The following NETO1 variants were observed in gnomAD, a reference collection of about 807,000 sequenced individuals.
NETO1 encodes neuropilin and tolloid like 1.
Under a neutral mutation model 61.3 loss-of-function variants are expected in NETO1, and 26 were observed. The ratio of observed to expected loss-of-function variants is 0.42; its 90% CI spans 0.31 to 0.59. The LOEUF is 0.59. Among genes scored for constraint, NETO1 ranks in the 20% least tolerant of loss-of-function variants. The pLI is 0.12. For missense variants in NETO1, 531 were observed against 662.8 expected, an observed-to-expected ratio of 0.80 and a Z score of 2.18; for synonymous variants, 225 against 225.8, an observed-to-expected ratio of 1.00 and a Z score of 0.03.
chr18:72,742,893 T>C (rs1286283902), downstream of NETO1: 1 of 152,208 alleles, frequency 6.6e-6, no homozygotes, highest in African/African-American at 2.4e-5. Context: ...GTATGTTCGC[T>C]AGTCAACCAT....
intron 4 of NETO1, chr18:72,834,726 TG>T: frequency 1.0e-6 from 1 of 985,102 alleles, no homozygotes; most frequent in Non-Finnish European, 1.2e-6. Context: ...CAGCTTTTAC[TG>T]TTTGATTGTT....
At chr18:72,826,669 G>A (rs576900532) in intron 4 of NETO1, among the ~76,000 whole-genome samples, 2 of 152,148 alleles carry the variant, frequency 1.3e-5, no homozygotes, top group East Asian at 3.9e-4. Context: ...CTGTGTGCTG[G>A]TGACACTTTC....
At chr18:72,771,120 C>T (rs2071339181) in intron 7 of NETO1, among the ~76,000 whole-genome samples, 1 of 152,064 alleles carries the variant, frequency 6.6e-6, no homozygotes, top group South Asian at 2.1e-4. Context: ...GACAATTTTA[C>T]TTAGTTATTA....
intron 4 of NETO1, among the ~76,000 whole-genome samples, chr18:72,850,029 T>G (rs2074203754): frequency 6.6e-6 from 1 of 152,244 alleles, no homozygotes; most frequent in Admixed American, 6.5e-5. Context: ...ATAATCTCCC[T>G]TTATTAAAGT....
In NETO1 at chr18:72,745,146, G is replaced by A. The variant is rs575810392; in HGVS notation, c.*3033C>T. ...CCCAAAGACACTGATCTCCAATTAT[G>A]TGGACAGCCACATTTTGGTTACAAA... On this transcript the variant is annotated 3_prime_UTR_variant, in exon 11 of 11. Transcript: ENST00000327305. 5 of 152,274 alleles carry A rather than the reference G, an allele frequency of 3.3e-5. No individual in the cohort carries two copies. Among genetic ancestry groups the A allele is most frequent in the African/African-American group, 9.6e-5 (4 of 41,568 alleles). 9.4% of individuals were successfully genotyped at this position (152,274 alleles called of 1,614,324 possible). A position where few individuals can be genotyped will look rare whatever the true frequency, so the allele number is the denominator to read the frequency against.
rs564557384 is a variant in NETO1 at position 72,830,938 on chromosome 18, A to G, written c.469+27888T>C. Among the ~76,000 whole-genome samples the G allele has an allele frequency of 6.6e-6, 1 of 152,132 alleles. No homozygotes were observed. The highest frequency in any genetic ancestry group is 2.1e-4 in the South Asian group (1 of 4,826). On this transcript the variant is annotated intron_variant, in intron 4 of 10. Coordinates refer to ENST00000327305, the MANE Select transcript of NETO1 (RefSeq NM_138966.5). This position sits in a 1 kb window ranked among gnomAD's most constrained non-coding sequence, Gnocchi z 4.9. ...AAAACTGTACTTGATAGGGTTGTCA[A>G]TTATGCCTTCTGACTGCAAAATCTT... is the stretch of plus-strand genomic sequence containing the variant.
intron 4 of NETO1, among the ~76,000 whole-genome samples, chr18:72,850,656 A>C (rs548966899): frequency 6.6e-6 from 1 of 152,386 alleles, no homozygotes; most frequent in South Asian, 2.1e-4. Flanking sequence ...TTTTACCAAG[A>C]AGCCCAGTAA....
chr18:72,837,390 T>C (rs2073784826), intron 4 of NETO1, among the ~76,000 whole-genome samples: 1 of 152,166 alleles, frequency 6.6e-6, no homozygotes, highest in Non-Finnish European at 1.5e-5. Context: ...ATTGCATTGG[T>C]CAGTAAAATA....
At chr18:72,862,290 A>G (rs2074597536) in intron 3 of NETO1, among the ~76,000 whole-genome samples, 1 of 152,236 alleles carries the variant, frequency 6.6e-6, no homozygotes, top group Non-Finnish European at 1.5e-5. Context: ...GTTGAAAAAT[A>G]GTGCTCCAAA....
At chr18:72,826,008 A>G (rs1427977042) in intron 4 of NETO1, among the ~76,000 whole-genome samples, 1 of 152,056 alleles carries the variant, frequency 6.6e-6, no homozygotes, top group East Asian at 1.9e-4. Flanking sequence ...TTGTAAACAC[A>G]TTGATTAGAT....
intron 4 of NETO1, among the ~76,000 whole-genome samples, chr18:72,854,958 T>C (rs2074371037): frequency 6.6e-6 from 1 of 152,192 alleles, no homozygotes; most frequent in Admixed American, 6.5e-5. Context: ...TTAAATTGCT[T>C]TTATCACAAC....
At chr18:72,835,262 G>T (rs936756990) in intron 4 of NETO1, 13 of 1,552,408 alleles carry the variant, frequency 8.4e-6, no homozygotes, top group African/African-American at 2.7e-5. Context: ...ATGAGATGAT[G>T]GAGAAGGAGA....
chr18:72,796,609 TG>T (rs2072320602), intron 4 of NETO1, among the ~76,000 whole-genome samples: 1 of 151,924 alleles, frequency 6.6e-6, no homozygotes, highest in Non-Finnish European at 1.5e-5. Context: ...CCCAAGTAGC[TG>T]GGACTACAGG....
chr18:72,867,057 G>A (rs2145711915), intron 1 of NETO1: 1 of 466,876 alleles, frequency 2.1e-6, no homozygotes, highest in South Asian at 4.6e-5. Flanking sequence ...GGCAGGTTTT[G>A]GGATCCGGCG....
At chr18:72,835,210 G>C (rs1401912347) in intron 4 of NETO1, 4 of 1,411,372 alleles carry the variant, frequency 2.8e-6, no homozygotes, top group African/African-American at 1.4e-5. Flanking sequence ...TGTGCTTCAA[G>C]ATGGTGTTAG....
At chr18:72,787,094 T>G (rs759903105) in intron 6 of NETO1, among the ~76,000 whole-genome samples, 2 of 148,792 alleles carry the variant, frequency 1.3e-5, no homozygotes, top group African/African-American at 2.5e-5. Context: ...TTTACTTTTT[T>G]GACTAAAAGT....
At chr18:72,755,732 G>T (rs899981190) in intron 8 of NETO1, among the ~76,000 whole-genome samples, 1 of 152,032 alleles carries the variant, frequency 6.6e-6, no homozygotes, top group Non-Finnish European at 1.5e-5. Context: ...ACACATGACA[G>T]GAAAGTAGTG....
At chr18:72,761,358 G>A (rs1460334821) in intron 7 of NETO1, among the ~76,000 whole-genome samples, 2 of 152,126 alleles carry the variant, frequency 1.3e-5, no homozygotes, top group Non-Finnish European at 2.9e-5. Flanking sequence ...TACAAGAAAA[G>A]CAGAAAACAT....
At chr18:72,749,282 A>G (rs1423024625) in intron 9 of NETO1, among the ~76,000 whole-genome samples, 194 bp from the exon 10 acceptor site, 3 of 152,218 alleles carry the variant, frequency 2.0e-5, no homozygotes, top group Non-Finnish European at 4.4e-5. Flanking sequence ...GTATGTCACG[A>G]TTTATAAAAT....
Sources: allele counts gnomAD v4.1 joint callset (sites outside exome capture counted in the v4.1 genomes callset), GRCh38; gene constraint gnomAD v4.1.1; non-coding constraint Gnocchi (gnomAD v3.1); transcripts MANE v1.5; gene names NCBI Gene and HGNC (gene_info 2026-07-23, HGNC 2026-07-21).